NHSL1: variants seen among roughly 807,000 people sequenced by gnomAD.
NHSL1 encodes the protein NHS-like protein 1.
Under a neutral mutation model 95.0 loss-of-function variants are expected in NHSL1, and 48 were observed. The ratio of observed to expected loss-of-function variants is 0.51; its 90% CI spans 0.40 to 0.64. The LOEUF is 0.64. Among genes scored for constraint, NHSL1 ranks in the 30% least tolerant of loss-of-function variants. NHSL1 has a pLI of 0.00. For synonymous variants in NHSL1, 783 were observed against 833.9 expected, an observed-to-expected ratio of 0.94 and a Z score of 1.05; for missense variants, 1,971 against 2,077.7, an observed-to-expected ratio of 0.95 and a Z score of 1.00.
intron 1 of NHSL1, among the ~76,000 whole-genome samples, chr6:138,587,064 C>A (rs541281474): frequency 6.6e-6 from 1 of 151,978 alleles, no homozygotes; most frequent in Admixed American, 6.6e-5. Flanking sequence ...CCTCCGCCCC[C>A]TAGGTTCAAG....
chr6:138,472,709 T>C (rs1401510138), intron 3 of NHSL1, among the ~76,000 whole-genome samples: 1 of 152,222 alleles, frequency 6.6e-6, no homozygotes, highest in Non-Finnish European at 1.5e-5. Context: ...TTGAGAAAAT[T>C]ACTTATCTTA....
intron 3 of NHSL1, among the ~76,000 whole-genome samples, chr6:138,467,488 T>C (rs1390238043): frequency 1.3e-5 from 2 of 152,178 alleles, no homozygotes; most frequent in Non-Finnish European, 2.9e-5. Context: ...TTCCTACTTA[T>C]GAAAAAAACT....
intron 1 of NHSL1, among the ~76,000 whole-genome samples, chr6:138,555,938 C>A (rs1378683369): frequency 2.6e-5 from 4 of 152,050 alleles, no homozygotes; most frequent in Non-Finnish European, 4.4e-5. Flanking sequence ...ACTCACTTTT[C>A]TGCATCCTCC....
intron 1 of NHSL1, among the ~76,000 whole-genome samples, chr6:138,585,871 A>G (rs2114505447): frequency 6.6e-6 from 1 of 150,738 alleles, no homozygotes; most frequent in South Asian, 2.1e-4. Flanking sequence ...GGCAAGTCCC[A>G]GTCTCTACAA....
intron 1 of NHSL1, among the ~76,000 whole-genome samples, chr6:138,685,843 G>A (rs1785578499): frequency 6.6e-6 from 1 of 151,962 alleles, no homozygotes; most frequent in African/African-American, 2.4e-5. Context: ...CTTGAACCCT[G>A]TCTGGATTCA....
chr6:138,497,096 C>A (rs186083981), intron 1 of NHSL1, among the ~76,000 whole-genome samples: 115 of 152,224 alleles, frequency 7.6e-4, no homozygotes, highest in South Asian at 2.5e-3. Flanking sequence ...CATTAGAGGA[C>A]AAAATAACAG....
upstream of NHSL1, among the ~76,000 whole-genome samples, chr6:138,546,427 C>CAAAAAAAAA (rs1177720465): frequency 2.0e-4 from 10 of 50,950 alleles, 2 homozygotes; most frequent in African/African-American, 4.4e-4. Context: ...CCCATCTCTA[C>CAAAAAAAAA]AAAAAAAAAA....
At chr6:138,664,758 T>A (rs1229808300) in intron 1 of NHSL1, among the ~76,000 whole-genome samples, 1 of 152,212 alleles carries the variant, frequency 6.6e-6, no homozygotes, top group Admixed American at 6.5e-5. Flanking sequence ...AATTGGCTCA[T>A]GCAATTGTCG....
chr6:138,427,517 A>C (rs760376864), intron 7 of NHSL1, among the ~76,000 whole-genome samples: 1 of 152,156 alleles, frequency 6.6e-6, no homozygotes, highest in African/African-American at 2.4e-5. Context: ...GCAGGTGCCC[A>C]CTAAAATAAT....
intron 4 of NHSL1, among the ~76,000 whole-genome samples, chr6:138,445,926 T>C (rs555574094): frequency 6.6e-6 from 1 of 152,356 alleles, no homozygotes; most frequent in African/African-American, 2.4e-5. Context: ...CAATTAATAG[T>C]TGAAGCTATT....
intron 2 of NHSL1, among the ~76,000 whole-genome samples, chr6:138,483,631 T>C (rs564855243): frequency 2.0e-5 from 3 of 152,334 alleles, no homozygotes; most frequent in African/African-American, 7.2e-5. Context: ...GTCTCCTACA[T>C]TGACACCCCT....
intron 1 of NHSL1, among the ~76,000 whole-genome samples, chr6:138,509,076 C>G (rs1354291191): frequency 6.6e-6 from 1 of 151,994 alleles, no homozygotes; most frequent in Non-Finnish European, 1.5e-5. Context: ...TTGGCCTTTC[C>G]CAATTCAGTC....
chr6:138,605,435 A>C (rs757950301), intron 1 of NHSL1, among the ~76,000 whole-genome samples: 9 of 152,214 alleles, frequency 5.9e-5, no homozygotes, highest in Non-Finnish European at 1.2e-4. Flanking sequence ...GCAAATAAAA[A>C]TATAAACTCT....
In NHSL1 at chr6:138,431,776, T is replaced by TAC. The variant is rs1406752451; in HGVS notation, c.2568_2569insGT (p.Asn857ValfsTer14). ...ACAGGGGTGAGTGCTGTGGGTGTATTCGACTGGCTGGAATACCCACTGGAT... is the reference window on the plus strand; with the variant it reads ...ACAGGGGTGAGTGCTGTGGGTGTATTACCGACTGGCTGGAATACCCACTGGAT... On this transcript the variant is annotated frameshift_variant, in exon 6 of 8. Transcript: ENST00000343505. LOFTEE classifies it high-confidence loss of function. This position sits in a 1 kb window ranked among gnomAD's most constrained non-coding sequence, Gnocchi z 4.0. 2 of 1,551,726 alleles carry TAC rather than the reference T, an allele frequency of 1.3e-6. No individual in the cohort carries two copies. Among genetic ancestry groups the TAC allele is most frequent in the Non-Finnish European group, 1.7e-6 (2 of 1,146,950 alleles).
chr6:138,571,773 C>T, exon 1 of NHSL1: 1 of 1,552,338 alleles, frequency 6.4e-7, no homozygotes, highest in South Asian at 1.2e-5. Context: ...TGCCCACAAA[C>T]CGAGAGCTCT....
At chr6:138,632,920 A>G (rs1263454957) in intron 1 of NHSL1, among the ~76,000 whole-genome samples, 1 of 152,192 alleles carries the variant, frequency 6.6e-6, no homozygotes, top group African/African-American at 2.4e-5. Flanking sequence ...TTCAGACAGA[A>G]AATTCAAAAT....
Position 138,523,935 on chromosome 6 carries a change from C to T in NHSL1, c.16+21688G>A, listed in dbSNP as rs150948188. On this transcript the variant is annotated intron_variant, in intron 1 of 4. Transcript: ENST00000342260. ...TAGCAAAAAGTTAATTGTGCTTACTCCAGGCTGGGAATTTTATGTGAATGA... is the reference window on the plus strand; with the variant it reads ...TAGCAAAAAGTTAATTGTGCTTACTTCAGGCTGGGAATTTTATGTGAATGA... 6.1e-4 allele frequency among the ~76,000 whole-genome samples: 93 copies of T among 152,284 alleles called. 1 individual carries two copies. The highest frequency in any genetic ancestry group is 4.4e-5 in the Non-Finnish European group (3 of 68,028).
At chr6:138,632,921 A>G (rs576408911) in intron 1 of NHSL1, among the ~76,000 whole-genome samples, 4 of 152,318 alleles carry the variant, frequency 2.6e-5, no homozygotes, top group African/African-American at 9.6e-5. Context: ...TCAGACAGAA[A>G]ATTCAAAATA....
chr6:138,664,152 A>C (rs1243055017), intron 1 of NHSL1, among the ~76,000 whole-genome samples: 2 of 152,216 alleles, frequency 1.3e-5, no homozygotes, highest in Non-Finnish European at 2.9e-5. Context: ...TTCCAGGGGA[A>C]GATCCAGAAG....
Sources: allele counts gnomAD v4.1 joint callset (sites outside exome capture counted in the v4.1 genomes callset), GRCh38; gene constraint gnomAD v4.1.1; non-coding constraint Gnocchi (gnomAD v3.1); transcripts MANE v1.5; gene names NCBI Gene and HGNC (gene_info 2026-07-23, HGNC 2026-07-21).